NTRK2: variants seen among roughly 807,000 people sequenced by gnomAD.
The protein encoded by NTRK2 is neurotrophic receptor tyrosine kinase 2.
A neutral mutation model predicts 94.5 loss-of-function variants in NTRK2; 13 were observed. The ratio of observed to expected loss-of-function variants is 0.14; its 90% CI spans 0.09 to 0.22. The LOEUF (loss-of-function observed/expected upper bound fraction) is 0.22. NTRK2 is among the 10% of genes least tolerant of loss of function. The pLI is 1.00. For missense variants in NTRK2, 639 were observed against 1,071.2 expected (o/e 0.60, Z 5.63); for synonymous variants, 372 against 407.4 (o/e 0.91, Z 1.05).
rs567773936 is a variant in NTRK2, at chr9:84,824,182, C to T, written c.1397-36858C>T. ...GCAGGTTGCAACAGGCAAAAATGGG[C>T]TCCAATAGCTCAAGGGAAGGCCTCC... is the stretch of plus-strand genomic sequence containing the variant. On this transcript the variant is annotated intron_variant, in intron 12 of 18. Coordinates refer to ENST00000277120, the MANE Select transcript of NTRK2 (RefSeq NM_006180.6). Among the ~76,000 whole-genome samples, 4 of 152,302 alleles carry T rather than the reference C, an allele frequency of 2.6e-5. No homozygotes were observed. The East Asian group carries it at 7.7e-4, about 29-fold the overall frequency.
intron 12 of NTRK2, among the ~76,000 whole-genome samples, chr9:84,815,974 GC>G (rs1339289537): frequency 3.5e-4 from 51 of 145,496 alleles, no homozygotes; most frequent in African/African-American, 1.1e-3. Flanking sequence ...ATTTTATTTG[GC>G]TAAAAGGCAA....
At chr9:84,965,100 C>G (rs1318598154) in intron 17 of NTRK2, among the ~76,000 whole-genome samples, 1 of 152,158 alleles carries the variant, frequency 6.6e-6, no homozygotes, top group Non-Finnish European at 1.5e-5. Flanking sequence ...TCTTAGCCTA[C>G]TTGTTACCTT....
intron 14 of NTRK2, among the ~76,000 whole-genome samples, chr9:84,902,405 G>A: frequency 6.6e-6 from 1 of 152,062 alleles, no homozygotes; most frequent in East Asian, 1.9e-4. Context: ...ATCTGTATTT[G>A]TTTCACAACA....
chr9:84,790,321 T>C (rs2068601599), intron 12 of NTRK2, among the ~76,000 whole-genome samples: 1 of 152,160 alleles, frequency 6.6e-6, no homozygotes, highest in Non-Finnish European at 1.5e-5. Context: ...GTTATTCAGT[T>C]GATTGTGGAT....
chr9:84,881,859 GT>G (rs2076263658), intron 14 of NTRK2, among the ~76,000 whole-genome samples: 1 of 152,218 alleles, frequency 6.6e-6, no homozygotes, highest in South Asian at 2.1e-4. Context: ...TGTAACTTGG[GT>G]TTCAGGTATG....
intron 12 of NTRK2, chr9:84,814,090 C>G: frequency 2.0e-5 from 21 of 1,065,402 alleles, no homozygotes; most frequent in Non-Finnish European, 2.4e-5. Flanking sequence ...CTCCCAGTCT[C>G]CCAGCAGGGA....
intron 12 of NTRK2, chr9:84,814,944 T>G: frequency 9.4e-7 from 1 of 1,059,590 alleles, no homozygotes; most frequent in Non-Finnish European, 1.1e-6. Context: ...CTGTAGTACC[T>G]GCAAACCATG....
At chr9:84,703,120 A>T (rs1173474860) in intron 4 of NTRK2, among the ~76,000 whole-genome samples, 1 of 152,138 alleles carries the variant, frequency 6.6e-6, no homozygotes, top group Non-Finnish European at 1.5e-5. Context: ...ACTAAAGATC[A>T]CCTAAGTGCA....
At chr9:84,818,810 A>G (rs2072593814) in intron 12 of NTRK2, among the ~76,000 whole-genome samples, 1 of 152,134 alleles carries the variant, frequency 6.6e-6, no homozygotes, top group Non-Finnish European at 1.5e-5. Context: ...GGTGTGGAGG[A>G]CACGTCCTGC....
At chr9:84,729,108 C>T (rs1223116373) in intron 9 of NTRK2, among the ~76,000 whole-genome samples, 1 of 152,078 alleles carries the variant, frequency 6.6e-6, no homozygotes, top group Non-Finnish European at 1.5e-5. Context: ...CTCCCAGGGC[C>T]CCCCCACCAG....
At position 84,775,017 on chromosome 9, in the gene NTRK2, G is replaced by C. The variant is rs147662245; in HGVS notation, c.1396+22932G>C. Among the ~76,000 whole-genome samples, 226 of 152,320 alleles carry C rather than the reference G, an allele frequency of 1.5e-3. 1 individual carries two copies. The highest frequency in any genetic ancestry group is 4.8e-3 in the African/African-American group (199 of 41,580). ...TTGTCAGTTTTTCTTTTATTTCCGA[G>C]CCTTCTTTCTTGTGCTTTTCAAATT... On this transcript the variant is annotated intron_variant, in intron 12 of 18. Transcript: ENST00000277120.
chr9:85,010,447 T>C (rs1239985716), intron 17 of NTRK2, among the ~76,000 whole-genome samples: 1 of 152,196 alleles, frequency 6.6e-6, no homozygotes, highest in Admixed American at 6.5e-5. Context: ...CAGGAGGCCA[T>C]GAAAAGCTCG....
intron 12 of NTRK2, among the ~76,000 whole-genome samples, chr9:84,848,937 A>C (rs902243327): frequency 3.3e-5 from 5 of 152,152 alleles, no homozygotes; most frequent in African/African-American, 1.2e-4. Flanking sequence ...CTTTTTATAA[A>C]CTTCTTGCTT....
chr9:84,814,797 G>A lies in NTRK2; in HGVS notation c.1397-46243G>A, dbSNP rs933195331. ...GGGTCTCTCAGGGTTGGTGCATCCAGCCACATGGGCAGGGCCAGTCACATC... is the reference window on the plus strand; with the variant it reads ...GGGTCTCTCAGGGTTGGTGCATCCAACCACATGGGCAGGGCCAGTCACATC... On this transcript the variant is annotated intron_variant, in intron 12 of 18. Coordinates refer to ENST00000277120, the MANE Select transcript of NTRK2 (RefSeq NM_006180.6). 8.5e-6 allele frequency: 9 copies of A among 1,064,146 alleles called. No individual in the cohort carries two copies. The African/African-American group carries it at 1.1e-4, about 14-fold the overall frequency. 65.9% of individuals were successfully genotyped at this position (1,064,146 alleles called of 1,614,324 possible).
chr9:84,972,337 A>G (rs1440245480), intron 17 of NTRK2, among the ~76,000 whole-genome samples: 2 of 152,190 alleles, frequency 1.3e-5, no homozygotes, highest in African/African-American at 4.8e-5. Context: ...GTTCCTTGTC[A>G]CTGGAGGGAA....
intron 14 of NTRK2, among the ~76,000 whole-genome samples, chr9:84,895,827 G>A (rs771893960): frequency 1.3e-5 from 2 of 152,172 alleles, no homozygotes; most frequent in Non-Finnish European, 2.9e-5. Context: ...GGGGGTTTAG[G>A]GAATTATTAC....
At chr9:85,015,803 C>A (rs1190951319) in intron 17 of NTRK2, among the ~76,000 whole-genome samples, 4 of 152,152 alleles carry the variant, frequency 2.6e-5, no homozygotes, top group Non-Finnish European at 5.9e-5. Context: ...GAAGATCAAA[C>A]TTTCTAAGAG....
chr9:85,015,003 T>G lies in NTRK2; in HGVS notation c.2173-5203T>G, dbSNP rs145074147. Among the ~76,000 whole-genome samples, 93 of 152,348 alleles carry G rather than the reference T, an allele frequency of 6.1e-4. 1 individual carries two copies. Among genetic ancestry groups the G allele is most frequent in the African/African-American group, 2.2e-3 (90 of 41,592 alleles). ...CTTTTTGGCCTTGTGCCTCAGACAT[T>G]GTTCTGATTAGCTTTGCTGGTTTAA... On this transcript the variant is annotated intron_variant, in intron 17 of 18. Transcript: ENST00000277120.
intron 16 of NTRK2, among the ~76,000 whole-genome samples, chr9:84,951,174 T>G (rs2078768965): frequency 6.6e-6 from 1 of 152,234 alleles, no homozygotes; most frequent in Non-Finnish European, 1.5e-5. Flanking sequence ...CCCTGTTCTC[T>G]GCTTTTCCTA....
Sources: gnomAD v4.1 joint callset for allele counts (sites outside exome capture counted in the v4.1 genomes callset) on GRCh38, gnomAD v4.1.1 for gene constraint, MANE v1.5 for transcripts, NCBI Gene and HGNC (gene_info 2026-07-23, HGNC 2026-07-21) for gene names.